FBXL13: variants seen among roughly 807,000 people sequenced by gnomAD.
FBXL13 encodes F-box and leucine-rich repeat protein 13.
Under a neutral mutation model 83.6 loss-of-function variants are expected in FBXL13, and 67 were observed. The ratio of observed to expected loss-of-function variants is 0.80; its 90% CI spans 0.66 to 0.98. The LOEUF (loss-of-function observed/expected upper bound fraction) is 0.98. Among genes scored for constraint, FBXL13 ranks in the 50% least tolerant of loss-of-function variants. The pLI is 0.00. For synonymous variants in FBXL13, 272 were observed against 299.5 expected (o/e 0.91, Z 0.95); for missense variants, 822 against 866.5 (o/e 0.95, Z 0.64).
rs963109853 is a variant in FBXL13, at chr7:103,013,671, A to G, written c.495+11392T>C. Among the ~76,000 whole-genome samples the G allele has an allele frequency of 3.3e-5, 5 of 152,236 alleles. No individual in the cohort carries two copies. The South Asian group carries it at 8.3e-4, about 25-fold the overall frequency. On this transcript the variant is annotated intron_variant, in intron 6 of 19. Coordinates refer to ENST00000313221, the Ensembl canonical transcript of FBXL13. ...GAAGTTTATAGCACTAAACACCCAC[A>G]TCAAAAAGTTAGAAATATCTCAGAT...
chr7:102,913,093 C>T, exon 11 of FBXL13: 1 of 1,614,120 alleles, frequency 6.2e-7, no homozygotes, highest in Non-Finnish European at 8.5e-7. Context: ...AACCTGGGTG[C>T]AGCCAGAGAG....
upstream of FBXL13, chr7:103,074,729 G>A (rs1310560563): frequency 1.9e-5 from 25 of 1,289,858 alleles, no homozygotes; most frequent in Non-Finnish European, 2.4e-5. Context: ...TCTCCTTGAA[G>A]TAGTTCTTCA....
intron 16 of FBXL13, among the ~76,000 whole-genome samples, chr7:102,876,916 T>A (rs1809353252): frequency 6.6e-6 from 1 of 152,288 alleles, no homozygotes; most frequent in Non-Finnish European, 1.5e-5. Context: ...ATGGCAAATC[T>A]CTCAGGGTTA....
intron 16 of FBXL13, 120 bp downstream of exon 17, chr7:102,877,345 TTA>T (rs1809405422): frequency 6.8e-6 from 6 of 882,612 alleles, no homozygotes; most frequent in Non-Finnish European, 9.4e-6. Context: ...ATCCCTAAAC[TTA>T]ACTTTTATAA....
At chr7:102,932,801 G>C (rs1819478487) in intron 8 of FBXL13, among the ~76,000 whole-genome samples, 2 of 152,012 alleles carry the variant, frequency 1.3e-5, no homozygotes, top group African/African-American at 4.8e-5. Context: ...TAGAGACGGG[G>C]TTTCCCCATG....
At chr7:102,898,870 A>C (rs1471285548) in intron 11 of FBXL13, among the ~76,000 whole-genome samples, 2 of 152,150 alleles carry the variant, frequency 1.3e-5, no homozygotes, top group Non-Finnish European at 2.9e-5. Flanking sequence ...TCCCTAAAGC[A>C]CATCTGGAAG....
At chr7:102,909,122 C>CT (rs947564876) in intron 11 of FBXL13, among the ~76,000 whole-genome samples, 1 of 152,328 alleles carries the variant, frequency 6.6e-6, no homozygotes, top group African/African-American at 2.4e-5. Flanking sequence ...GGATGCAGTC[C>CT]TTCCCACTCT....
At chr7:103,033,861 A>G (rs1411632719) in intron 2 of FBXL13, among the ~76,000 whole-genome samples, 1 of 152,116 alleles carries the variant, frequency 6.6e-6, no homozygotes, top group African/African-American at 2.4e-5. Flanking sequence ...TGATCGGTAG[A>G]GCCAAGTGGT....
intron 8 of FBXL13, among the ~76,000 whole-genome samples, chr7:102,949,995 A>T (rs1322515934): frequency 6.6e-6 from 1 of 152,106 alleles, no homozygotes; most frequent in Non-Finnish European, 1.5e-5. Flanking sequence ...AATCCCACCT[A>T]CTCAGGAGAC....
intron 10 of FBXL13, among the ~76,000 whole-genome samples, chr7:102,918,457 C>T (rs1193295652): frequency 1.3e-5 from 2 of 152,076 alleles, no homozygotes; most frequent in African/African-American, 4.8e-5. Context: ...AGAAAAAAAG[C>T]CATTTCAATG....
chr7:102,954,806 T>C (rs1368631459), intron 8 of FBXL13, among the ~76,000 whole-genome samples: 1 of 152,154 alleles, frequency 6.6e-6, no homozygotes, highest in East Asian at 1.9e-4. Context: ...GGCCATGACA[T>C]AATGGTAAAG....
chr7:103,021,525 C>G (rs1793170684), intron 6 of FBXL13, among the ~76,000 whole-genome samples: 1 of 152,156 alleles, frequency 6.6e-6, no homozygotes, highest in African/African-American at 2.4e-5. Flanking sequence ...GCAAAAAAAA[C>G]TACCATCAGA....
intron 7 of FBXL13, among the ~76,000 whole-genome samples, chr7:102,966,810 G>T (rs993665038): frequency 2.0e-5 from 3 of 152,166 alleles, no homozygotes; most frequent in African/African-American, 7.2e-5. Context: ...GAAATTGCCT[G>T]TTCACAGGAA....
chr7:102,959,427 T>C (rs1320374605), intron 8 of FBXL13, among the ~76,000 whole-genome samples: 2 of 151,982 alleles, frequency 1.3e-5, no homozygotes, highest in Admixed American at 6.6e-5. Flanking sequence ...TAAAAATCTA[T>C]AGTAATATAT....
chr7:103,016,596 C>T lies in FBXL13; in HGVS notation c.495+8467G>A, dbSNP rs368614023. ...CCTAGCCAAGGGAAGGGGTGACAGA[C>T]GGCACCTGGAAAATCGGGTCACTCC... On this transcript the variant is annotated intron_variant, in intron 6 of 19. Coordinates refer to ENST00000313221, the Ensembl canonical transcript of FBXL13. Among the ~76,000 whole-genome samples the T allele has an allele frequency of 2.2e-3, 338 of 152,216 alleles. 3 individuals are homozygous for T. Among genetic ancestry groups the T allele is most frequent in the Middle Eastern group, 6.8e-3 (2 of 294 alleles).
intron 6 of FBXL13, among the ~76,000 whole-genome samples, chr7:103,018,830 T>C (rs1257155553): frequency 6.6e-6 from 1 of 152,024 alleles, no homozygotes; most frequent in African/African-American, 2.4e-5. Flanking sequence ...ATAAAGCAAG[T>C]CCTTAGAGAC....
chr7:102,883,820 G>C (rs1810433538), intron 12 of FBXL13, 135 bp from the exon 14 acceptor site: 1 of 596,800 alleles, frequency 1.7e-6, no homozygotes, highest in African/African-American at 1.9e-5. Flanking sequence ...AAGACAACTG[G>C]ATTTTTCCAT....
At chr7:102,851,649 C>G (rs1052399497) in intron 17 of FBXL13, among the ~76,000 whole-genome samples, 1 of 151,532 alleles carries the variant, frequency 6.6e-6, no homozygotes, top group African/African-American at 2.4e-5. Context: ...TTTAAACTCT[C>G]AAGGCACATT....
intron 11 of FBXL13, among the ~76,000 whole-genome samples, chr7:102,906,683 T>C (rs537476953): frequency 6.6e-6 from 1 of 152,352 alleles, no homozygotes; most frequent in Admixed American, 6.5e-5. Context: ...TCTTCTAGCA[T>C]GTAAGGTTTA....
Sources: gnomAD v4.1 joint callset for allele counts (sites outside exome capture counted in the v4.1 genomes callset) on GRCh38, gnomAD v4.1.1 for gene constraint, MANE v1.5 for transcripts, NCBI Gene and HGNC (gene_info 2026-07-23, HGNC 2026-07-21) for gene names.